Variants in ARHGAP32 observed in about 807,000 individuals in gnomAD.
ARHGAP32 encodes the protein rho GTPase-activating protein 32.
ARHGAP32 carries 51 observed loss-of-function variants against 186.5 expected under a neutral mutation model. That is an observed-to-expected ratio of 0.27 (90% CI 0.22 to 0.35). The LOEUF is 0.35. Among genes scored for constraint, ARHGAP32 ranks in the 10% least tolerant of loss-of-function variants. The pLI is 1.00. For missense variants in ARHGAP32, 2,186 were observed against 2,623.5 expected, an observed-to-expected ratio of 0.83 and a Z score of 3.64; for synonymous variants, 950 against 964.3, an observed-to-expected ratio of 0.99 and a Z score of 0.27.
chr11:128,992,295 TCTCA>T (rs1014208106), intron 12 of ARHGAP32, among the ~76,000 whole-genome samples: 18 of 152,256 alleles, frequency 1.2e-4, no homozygotes, highest in East Asian at 3.8e-4. Context: ...TCTATAAAAC[TCTCA>T]CTATTTTGTT....
At chr11:129,272,238 C>G (rs1945482263) in intron 1 of ARHGAP32, among the ~76,000 whole-genome samples, 1 of 152,184 alleles carries the variant, frequency 6.6e-6, no homozygotes, top group Non-Finnish European at 1.5e-5. Context: ...CTTTATTCCT[C>G]TCTCACCTAA....
chr11:129,108,186 A>G (rs1263924328), intron 5 of ARHGAP32, among the ~76,000 whole-genome samples: 1 of 152,200 alleles, frequency 6.6e-6, no homozygotes, highest in African/African-American at 2.4e-5. Flanking sequence ...AGTAAACTCT[A>G]CAATCATAAG....
At chr11:129,012,176 C>A (rs374231312) in intron 11 of ARHGAP32, among the ~76,000 whole-genome samples, 21 of 152,242 alleles carry the variant, frequency 1.4e-4, no homozygotes, top group Non-Finnish European at 2.2e-4. Context: ...AAAACTCCTG[C>A]AAAGTAATAT....
intron 6 of ARHGAP32, among the ~76,000 whole-genome samples, chr11:129,072,205 C>T (rs927947504): frequency 6.6e-6 from 1 of 152,060 alleles, no homozygotes; most frequent in Non-Finnish European, 1.5e-5. Context: ...GCATTCTTCC[C>T]ACAGAGGTAT....
At chr11:129,039,460 A>C (rs1164015136) in intron 11 of ARHGAP32, among the ~76,000 whole-genome samples, 1 of 152,226 alleles carries the variant, frequency 6.6e-6, no homozygotes, top group Non-Finnish European at 1.5e-5. Context: ...TAAGTAAAAG[A>C]AGCCCATCAC....
At chr11:129,217,733 TC>T (rs1344478773) in intron 1 of ARHGAP32, among the ~76,000 whole-genome samples, 1 of 152,150 alleles carries the variant, frequency 6.6e-6, no homozygotes, top group East Asian at 1.9e-4. Flanking sequence ...TTTGAAATAC[TC>T]CTCAAGGATT....
At chr11:129,174,070 G>T (rs1267237647) in intron 1 of ARHGAP32, among the ~76,000 whole-genome samples, 4 of 152,240 alleles carry the variant, frequency 2.6e-5, no homozygotes, top group Non-Finnish European at 5.9e-5. Context: ...GTGGGCACAG[G>T]ACAGTGGGTG....
Position 129,123,571 on chromosome 11 carries a change from A to C in ARHGAP32, c.360-41T>G. Reference sequence around the variant, plus strand: ...TAAATAAGAAACGAGATAGTGAAACAGTAAAAATTACTAAGTTTAAGGGAA... The same window carrying C: ...TAAATAAGAAACGAGATAGTGAAACCGTAAAAATTACTAAGTTTAAGGGAA... On this transcript the variant is annotated intron_variant, in intron 4 of 22. Coordinates refer to ENST00000682385, the MANE Select transcript of ARHGAP32 (RefSeq NM_001378024.1). This position sits in a 1 kb window ranked among gnomAD's most constrained non-coding sequence, Gnocchi z 4.6. 2 of 1,550,470 alleles carry C rather than the reference A, an allele frequency of 1.3e-6. No individual in the cohort carries two copies. Among genetic ancestry groups the C allele is most frequent in the Non-Finnish European group, 1.8e-6 (2 of 1,126,476 alleles).
chr11:129,263,828 C>G (rs866399850), intron 1 of ARHGAP32, among the ~76,000 whole-genome samples: 10 of 152,194 alleles, frequency 6.6e-5, no homozygotes, highest in Middle Eastern at 3.4e-3. Flanking sequence ...AAGGGTATGG[C>G]TGTTTCTCAG....
intron 11 of ARHGAP32, among the ~76,000 whole-genome samples, chr11:128,999,468 T>TTTGCCTTGTGATGTTTTA (rs1391949483): frequency 1.3e-5 from 2 of 152,158 alleles, no homozygotes; most frequent in African/African-American, 4.8e-5. Flanking sequence ...TCTGCCCCCA[T>TTTGCCTTGTGATGTTTTA]TTGCCTTGTG....
intron 6 of ARHGAP32, among the ~76,000 whole-genome samples, chr11:129,078,442 C>A (rs576170938): frequency 6.6e-6 from 1 of 152,076 alleles, no homozygotes; most frequent in East Asian, 1.9e-4. Context: ...GCAATGGATC[C>A]GAACAAAAAC....
intron 5 of ARHGAP32, among the ~76,000 whole-genome samples, chr11:129,111,082 T>G (rs1409323777): frequency 6.6e-6 from 1 of 152,186 alleles, no homozygotes; most frequent in Non-Finnish European, 1.5e-5. Flanking sequence ...TGACCTTTAT[T>G]ATGTTGAAGT....
chr11:128,996,807 G>A (rs926993238), intron 12 of ARHGAP32, among the ~76,000 whole-genome samples: 2 of 151,552 alleles, frequency 1.3e-5, no homozygotes, highest in Non-Finnish European at 2.9e-5. Context: ...TTGGAGACAA[G>A]GTCTTGCTCC....
rs188076879 is a variant in ARHGAP32 at position 129,037,103 on chromosome 11, A to G, written c.1045+3825T>C. On this transcript the variant is annotated intron_variant, in intron 11 of 22. Transcript: ENST00000682385. Reference sequence around the variant, plus strand: ...AATGAAATGTTAAAATTCCCGGTACAATAGCATTAAAAAGAATTGAATATA... The same window carrying G: ...AATGAAATGTTAAAATTCCCGGTACGATAGCATTAAAAAGAATTGAATATA... 3.8e-3 allele frequency among the ~76,000 whole-genome samples: 575 copies of G among 152,364 alleles called. 9 individuals are homozygous for G. Among genetic ancestry groups the G allele is most frequent in the South Asian group, 0.023 (109 of 4,826 alleles).
intron 12 of ARHGAP32, among the ~76,000 whole-genome samples, chr11:128,996,927 G>A (rs148942809): frequency 4.5e-4 from 69 of 152,092 alleles, no homozygotes; most frequent in African/African-American, 1.2e-3. Flanking sequence ...TTACAGGTGC[G>A]TACTACTATG....
At position 128,969,629 on chromosome 11, in the gene ARHGAP32, T is replaced by C; in HGVS notation, c.5584A>G (p.Thr1862Ala). 2 of 1,614,122 alleles carry C rather than the reference T, an allele frequency of 1.2e-6. No homozygotes were observed. Among genetic ancestry groups the C allele is most frequent in the East Asian group, 4.5e-5 (2 of 44,878 alleles). ...GGCAGGGATGGCTTCTCCGGCTGCG[T>C]GCTACCATGGCCTCCGTGATGGTGG... ...RAHHHGGHGS[T>A]QPEKPSLPQK... The change falls in exon 23 of 23, where the codon ACG becomes GCG. Residue 1862 changes from threonine to alanine, a missense_variant. Physicochemically the swap from Thr to Ala is moderately conservative, Grantham distance 58. This residue lies in a region of ARHGAP32 where 1,502 missense variants were observed against 1,570.0 expected (regional missense o/e 0.96). Coordinates refer to ENST00000682385, the MANE Select transcript of ARHGAP32 (RefSeq NM_001378024.1). The surrounding 1 kb of genome is among the most constrained non-coding windows in gnomAD (Gnocchi z 4.8).
chr11:129,239,795 C>G (rs1944990242), intron 1 of ARHGAP32, among the ~76,000 whole-genome samples: 1 of 152,154 alleles, frequency 6.6e-6, no homozygotes, highest in Admixed American at 6.5e-5. Flanking sequence ...TCTGTGCAAA[C>G]AGCCAACTCT....
chr11:129,093,713 T>A lies in ARHGAP32; in HGVS notation c.445-6A>T. 6.4e-7 allele frequency: 1 copy of A among 1,572,934 alleles called. No homozygotes were observed. The highest frequency in any genetic ancestry group is 1.8e-5 in the Admixed American group (1 of 54,380). ...TGTTCTTCTGAAAGTGAAAGCTACA[T>A]CACAGAAAAAAAAGAAGAGGGGGAA... On this transcript the variant is annotated splice_region_variant and splice_polypyrimidine_tract_variant and intron_variant, in intron 5 of 22. Coordinates refer to ENST00000682385, the MANE Select transcript of ARHGAP32 (RefSeq NM_001378024.1).
Position 129,133,978 on chromosome 11 carries a change from G to A in ARHGAP32, c.226-9084C>T, listed in dbSNP as rs530668044. 9.9e-5 allele frequency among the ~76,000 whole-genome samples: 15 copies of A among 152,242 alleles called. No homozygotes were observed. In the South Asian group the frequency reaches 2.3e-3, roughly 23 times the overall value. On this transcript the variant is annotated intron_variant, in intron 2 of 22. Transcript: ENST00000682385. Reference sequence around the variant, plus strand: ...ATCTATATAAAAACTTTAACATAACGATGGTAGATAAGGGAACCTCGATGG... The same window carrying A: ...ATCTATATAAAAACTTTAACATAACAATGGTAGATAAGGGAACCTCGATGG...
Sources: gnomAD v4.1 joint callset for allele counts (sites outside exome capture counted in the v4.1 genomes callset) on GRCh38, gnomAD v4.1.1 for gene constraint, gnomAD v4.1.1 regional missense constraint, Gnocchi (gnomAD v3.1) non-coding constraint, MANE v1.5 for transcripts, NCBI Gene and HGNC (gene_info 2026-07-23, HGNC 2026-07-21) for gene names.